Variants in GAS7 observed in about 807,000 individuals in gnomAD.
The protein encoded by GAS7 is growth arrest specific 7, also known as growth arrest-specific protein 7.
Under a neutral mutation model 71.1 loss-of-function variants are expected in GAS7, and 28 were observed. The ratio of observed to expected loss-of-function variants is 0.39; its 90% confidence interval spans 0.29 to 0.54. The LOEUF (loss-of-function observed/expected upper bound fraction) is 0.54. Among genes scored for constraint, GAS7 ranks in the 20% least tolerant of loss-of-function variants. GAS7 has a pLI of 0.62. For missense variants in GAS7, 436 were observed against 627.8 expected, an observed-to-expected ratio of 0.69 and a Z score of 3.27; for synonymous variants, 258 against 245.8, an observed-to-expected ratio of 1.05 and a Z score of -0.46.
At chr17:10,163,462 G>A (rs1290344892) in intron 1 of GAS7, among the ~76,000 whole-genome samples, 1 of 151,680 alleles carries the variant, frequency 6.6e-6, no homozygotes, top group African/African-American at 2.4e-5. Flanking sequence ...AAAAGAAAGG[G>A]AAACATAGAT....
chr17:9,958,866 C>T (rs1164928111), intron 5 of GAS7: 11 of 552,520 alleles, frequency 2.0e-5, no homozygotes, highest in South Asian at 5.8e-5. Flanking sequence ...GTAATTTACA[C>T]GTCACATCAC....
intron 1 of GAS7, among the ~76,000 whole-genome samples, chr17:10,119,011 T>C (rs559869839): frequency 3.0e-3 from 455 of 152,280 alleles, no homozygotes; most frequent in Non-Finnish European, 5.3e-3. Flanking sequence ...CAAATACTTA[T>C]GGAGCATATA....
chr17:10,056,451 T>C (rs2073137780), intron 1 of GAS7, among the ~76,000 whole-genome samples: 1 of 151,978 alleles, frequency 6.6e-6, no homozygotes, highest in African/African-American at 2.4e-5. Context: ...ACTATGAGCA[T>C]GCCACTGCAC....
chr17:10,080,423 C>A (rs2073446545), intron 1 of GAS7, among the ~76,000 whole-genome samples: 1 of 152,198 alleles, frequency 6.6e-6, no homozygotes, highest in South Asian at 2.1e-4. Flanking sequence ...AAATAGGCAA[C>A]CAGCAGCCCT....
intron 9 of GAS7, among the ~76,000 whole-genome samples, chr17:9,929,653 A>G (rs1457015091): frequency 2.6e-5 from 4 of 151,352 alleles, no homozygotes; most frequent in African/African-American, 2.4e-5. Flanking sequence ...TTTTTTTTGT[A>G]TTTTTAGTAG....
In GAS7 at chr17:10,190,134, T is replaced by G. The variant is rs542128282; in HGVS notation, c.183+8074A>C. On this transcript the variant is annotated intron_variant, in intron 1 of 13. Coordinates refer to ENST00000432992, the MANE Select transcript of GAS7 (RefSeq NM_201433.2). ...TGGATTAGTTGTGACAGAGACCATA[T>G]GGGATGCTCTCACTGCTTGTCACTG... 4.0e-4 allele frequency among the ~76,000 whole-genome samples: 61 copies of G among 152,326 alleles called. 3 individuals are homozygous for G. In the South Asian group the frequency reaches 0.012, roughly 29 times the overall value.
chr17:9,940,673 C>A (rs939080073), intron 7 of GAS7, among the ~76,000 whole-genome samples: 1 of 152,206 alleles, frequency 6.6e-6, no homozygotes, highest in African/African-American at 2.4e-5. Flanking sequence ...CTGTCTCACA[C>A]CCCCAATGCC....
intron 1 of GAS7, among the ~76,000 whole-genome samples, chr17:10,170,964 G>A (rs1001832523): frequency 1.3e-5 from 2 of 152,130 alleles, no homozygotes; most frequent in East Asian, 1.9e-4. Context: ...CTGAGCCAGC[G>A]AACCACTGGG....
intron 2 of GAS7, among the ~76,000 whole-genome samples, chr17:10,007,624 T>TCAAA (rs2071591267): frequency 4.0e-5 from 2 of 50,270 alleles, no homozygotes; most frequent in Non-Finnish European, 6.2e-5. Context: ...AGATTCTGTC[T>TCAAA]CAAAAAAAAA....
In GAS7 at chr17:9,916,989, G is replaced by C. The variant is rs1331776778; in HGVS notation, c.*239C>G. 2 of 567,270 alleles carry C rather than the reference G, an allele frequency of 3.5e-6. No homozygotes were observed. Among genetic ancestry groups the C allele is most frequent in the Non-Finnish European group, 6.3e-6 (2 of 317,706 alleles). 35.1% of individuals were successfully genotyped at this position (567,270 alleles called of 1,614,324 possible). On this transcript the variant is annotated 3_prime_UTR_variant, in exon 14 of 14. Coordinates refer to ENST00000432992, the MANE Select transcript of GAS7 (RefSeq NM_201433.2). ...TTTCAGAGCGGCAAGCACAGCATGGGAGTCAGGGGGTCTTCAGCCTCAGAG... is the reference window on the plus strand; with the variant it reads ...TTTCAGAGCGGCAAGCACAGCATGGCAGTCAGGGGGTCTTCAGCCTCAGAG...
chr17:10,188,345 G>C (rs1340358920), intron 1 of GAS7, among the ~76,000 whole-genome samples: 1 of 152,216 alleles, frequency 6.6e-6, no homozygotes, highest in Non-Finnish European at 1.5e-5. Flanking sequence ...TCCTTCTGGT[G>C]TACATTGAGG....
intron 4 of GAS7, among the ~76,000 whole-genome samples, chr17:9,962,064 G>T (rs1450122732): frequency 6.8e-6 from 1 of 147,072 alleles, no homozygotes; most frequent in African/African-American, 2.7e-5. Context: ...TGGCATTGAG[G>T]TTGGGTGTTC....
intron 1 of GAS7, among the ~76,000 whole-genome samples, chr17:10,148,813 G>T (rs1199360599): frequency 6.6e-6 from 1 of 150,918 alleles, no homozygotes; most frequent in South Asian, 2.1e-4. Flanking sequence ...CGGAGGCTGA[G>T]GCAGGAGAAT....
intron 1 of GAS7, among the ~76,000 whole-genome samples, chr17:10,038,695 ATTTTT>A (rs71365709): frequency 2.3e-4 from 28 of 121,180 alleles, no homozygotes; most frequent in African/African-American, 8.2e-4. Context: ...GAAGGAAGGA[ATTTTT>A]TTTTTTTTTT....
At chr17:10,116,127 A>G (rs896691403) in intron 1 of GAS7, among the ~76,000 whole-genome samples, 2 of 152,200 alleles carry the variant, frequency 1.3e-5, no homozygotes, top group African/African-American at 4.8e-5. Context: ...CCTGGCCAAC[A>G]TGGCCAAACC....
chr17:10,058,220 C>A (rs1053565757), intron 1 of GAS7, among the ~76,000 whole-genome samples: 1 of 151,952 alleles, frequency 6.6e-6, no homozygotes, highest in African/African-American at 2.4e-5. Context: ...TCTCCCAATG[C>A]GAGAAATACC....
intron 1 of GAS7, among the ~76,000 whole-genome samples, chr17:10,024,502 C>G (rs2072392693): frequency 6.6e-6 from 1 of 152,178 alleles, no homozygotes; most frequent in South Asian, 2.1e-4. Flanking sequence ...CTGGAAGGAA[C>G]AAGATCAGAG....
At chr17:9,922,891 CTG>C (rs1458612608) in intron 11 of GAS7, among the ~76,000 whole-genome samples, 1 of 152,140 alleles carries the variant, frequency 6.6e-6, no homozygotes, top group Non-Finnish European at 1.5e-5. Context: ...ACATATTTCA[CTG>C]TCTTTTTTTG....
At chr17:10,059,728 C>A (rs1285807533) in intron 1 of GAS7, 2 of 985,266 alleles carry the variant, frequency 2.0e-6, no homozygotes, top group East Asian at 1.1e-4. Flanking sequence ...AAATCTGACA[C>A]GCTGGTCATT....
Sources: gnomAD v4.1 joint callset for allele counts (sites outside exome capture counted in the v4.1 genomes callset) on GRCh38, gnomAD v4.1.1 for gene constraint, MANE v1.5 for transcripts, NCBI Gene and HGNC (gene_info 2026-07-23, HGNC 2026-07-21) for gene names.